The following UNC79 variants were observed in gnomAD, a reference collection of about 807,000 sequenced individuals.
UNC79 encodes the protein protein unc-79 homolog.
UNC79 carries 37 observed loss-of-function variants against 283.1 expected under a neutral mutation model. That is an observed-to-expected ratio of 0.13 (90% CI 0.10 to 0.17). The LOEUF (loss-of-function observed/expected upper bound fraction) is 0.17, where lower values mean the gene tolerates loss of function less well. Ranked by LOEUF, UNC79 falls within the 10% of genes least tolerant of loss-of-function variation. UNC79 has a pLI of 1.00. For missense variants in UNC79, 2,272 were observed against 3,211.1 expected (o/e 0.71, Z 7.07); for synonymous variants, 1,107 against 1,200.2 (o/e 0.92, Z 1.61).
In UNC79 at chr14:93,387,142, C is replaced by A. The variant is rs570029894; in HGVS notation, c.-351+53619C>A. ...GTATTTAGTAGAGACGGGGTTTCACCATGTTAGTCAGGCTGGTCGCAAACT... is the reference window on the plus strand; with the variant it reads ...GTATTTAGTAGAGACGGGGTTTCACAATGTTAGTCAGGCTGGTCGCAAACT... On this transcript the variant is annotated intron_variant, in intron 1 of 49. Transcript: ENST00000256339. Among the ~76,000 whole-genome samples the A allele has an allele frequency of 9.1e-4, 138 of 151,864 alleles. 1 individual carries two copies. Among genetic ancestry groups the A allele is most frequent in the African/African-American group, 3.1e-3 (129 of 41,424 alleles).
At chr14:93,402,330 T>G (rs1045950464) in intron 1 of UNC79, among the ~76,000 whole-genome samples, 5 of 125,046 alleles carry the variant, frequency 4.0e-5, no homozygotes, top group African/African-American at 1.5e-4. Context: ...CTTAAAAAAA[T>G]TATGAGACTG....
chr14:93,643,720 T>C, intron 34 of UNC79, 23 bp downstream of exon 37: 1 of 1,610,912 alleles, frequency 6.2e-7, no homozygotes, highest in Non-Finnish European at 8.5e-7. Context: ...TTCTGTTTTG[T>C]TTGGTAGGAA....
At chr14:93,683,816 G>A (rs901415421) in intron 42 of UNC79, among the ~76,000 whole-genome samples, 33 of 150,678 alleles carry the variant, frequency 2.2e-4, no homozygotes, top group African/African-American at 7.6e-4. Flanking sequence ...AATTAAAATC[G>A]GCTAGCCAAT....
chr14:93,646,533 T>C, intron 34 of UNC79, 75 bp from the exon 38 acceptor site: 2 of 1,451,002 alleles, frequency 1.4e-6, no homozygotes, highest in Non-Finnish European at 1.9e-6. Flanking sequence ...ACACAACAGG[T>C]CCTCCCACAA....
chr14:93,707,032 A>G (rs2141124407), downstream of UNC79: 2 of 1,199,202 alleles, frequency 1.7e-6, no homozygotes, highest in South Asian at 1.6e-5. Flanking sequence ...TTAGTAAAAG[A>G]TGTGCAAAGG....
At chr14:93,440,886 A>G (rs999082514) in intron 1 of UNC79, among the ~76,000 whole-genome samples, 4 of 152,130 alleles carry the variant, frequency 2.6e-5, no homozygotes, top group African/African-American at 9.7e-5. Flanking sequence ...TGTACTTAAA[A>G]AGAAGTTGTA....
chr14:93,512,316 T>A (rs2059864098), intron 7 of UNC79, among the ~76,000 whole-genome samples: 1 of 152,168 alleles, frequency 6.6e-6, no homozygotes, highest in Admixed American at 6.5e-5. Flanking sequence ...TGAAAGATTT[T>A]CTGTTTATTT....
chr14:93,548,468 C>A (rs191606851), intron 14 of UNC79, among the ~76,000 whole-genome samples: 1 of 152,140 alleles, frequency 6.6e-6, no homozygotes, highest in East Asian at 1.9e-4. Context: ...AAAGAAAAAC[C>A]TTTTACAACC....
At chr14:93,465,774 T>C (rs927586574) in intron 1 of UNC79, among the ~76,000 whole-genome samples, 4 of 152,192 alleles carry the variant, frequency 2.6e-5, no homozygotes. Context: ...TTTACTTAGG[T>C]GATGGAATGA....
intron 34 of UNC79, 108 bp downstream of exon 37, chr14:93,643,805 A>G: frequency 6.8e-7 from 1 of 1,471,524 alleles, no homozygotes. Context: ...CCTTGTAGAT[A>G]CTGGTATTTG....
At chr14:93,452,802 A>C (rs1255197445) in intron 1 of UNC79, among the ~76,000 whole-genome samples, 1 of 152,204 alleles carries the variant, frequency 6.6e-6, no homozygotes, top group Non-Finnish European at 1.5e-5. Flanking sequence ...GAGAGTTGAA[A>C]GGATAAAGTG....
rs548822455 is a variant in UNC79, at chr14:93,571,786, T to C, written c.1756-108T>C. 21 of 1,142,090 alleles carry C rather than the reference T, an allele frequency of 1.8e-5. No individual in the cohort carries two copies. In the South Asian group the frequency reaches 3.5e-4, roughly 19 times the overall value. The allele number at this position is 1,142,090 out of a possible 1,614,324, so 70.7% of individuals were successfully genotyped here. A position where few individuals can be genotyped will look rare whatever the true frequency, so the allele number is the denominator to read the frequency against. ...AGATTCTTGGCCTAGGACTCAGACA[T>C]GATGGATTGTGGCCTTTCTCTGTAC... On this transcript the variant is annotated intron_variant, in intron 14 of 48. Transcript: ENST00000555664.
In UNC79 at chr14:93,602,190, A is replaced by G. The variant is rs150135536; in HGVS notation, c.3575-1049A>G. The stretch of plus-strand genomic sequence containing the variant: ...GAACTCTTTGCCTAAGTCAATGTCT[A>G]GAAGAGTTTTTCTGATGTTGTCTTC... On this transcript the variant is annotated intron_variant, in intron 25 of 48. Transcript: ENST00000555664. Among the ~76,000 whole-genome samples, 982 of 152,314 alleles carry G rather than the reference A, an allele frequency of 6.4e-3. 8 individuals carry two copies. Among genetic ancestry groups the G allele is most frequent in the African/African-American group, 0.023 (938 of 41,560 alleles).
chr14:93,540,585 A>T (rs776135294), intron 12 of UNC79, 75 bp from the exon 13 acceptor site: 8 of 1,523,950 alleles, frequency 5.2e-6, no homozygotes, highest in Non-Finnish European at 6.2e-6. Flanking sequence ...CTCGTGAGGT[A>T]CTTCCTCTGA....
chr14:93,624,153 G>A (rs2067358481), intron 30 of UNC79, among the ~76,000 whole-genome samples: 1 of 152,152 alleles, frequency 6.6e-6, no homozygotes, highest in Non-Finnish European at 1.5e-5. Context: ...CACTTCTAAG[G>A]GAATGCACTC....
chr14:93,516,964 G>A (rs542923968), intron 7 of UNC79, among the ~76,000 whole-genome samples: 1 of 152,000 alleles, frequency 6.6e-6, no homozygotes, highest in Admixed American at 6.6e-5. Context: ...GATTTTATAT[G>A]CTATTATAAA....
chr14:93,662,628 C>T, exon 40 of UNC79: 2 of 1,608,570 alleles, frequency 1.2e-6, no homozygotes, highest in South Asian at 2.2e-5. Flanking sequence ...ATTTTCAAAA[C>T]TGCTCAGCTT....
intron 31 of UNC79, 92 bp downstream of exon 33, chr14:93,631,000 T>C (rs767736147): frequency 1.2e-4 from 136 of 1,165,106 alleles, no homozygotes; most frequent in Non-Finnish European, 1.5e-4. Context: ...CTTGGTATTG[T>C]ATATATATTT....
chr14:93,693,927 A>T (rs1488529533), intron 46 of UNC79, among the ~76,000 whole-genome samples: 1 of 152,154 alleles, frequency 6.6e-6, no homozygotes, highest in African/African-American at 2.4e-5. Flanking sequence ...TAATTCAAGC[A>T]TTTGTCATCT....
Sources: allele counts gnomAD v4.1 joint callset (sites outside exome capture counted in the v4.1 genomes callset), GRCh38; gene constraint gnomAD v4.1.1; transcripts MANE v1.5; gene names NCBI Gene and HGNC (gene_info 2026-07-23, HGNC 2026-07-21).